Variants in ERFE observed in about 807,000 individuals in gnomAD.
ERFE encodes erythroferrone, also known as complement C1q tumor necrosis factor-related protein 15.
Under a neutral mutation model 26.6 loss-of-function variants are expected in ERFE, and 25 were observed. That is an observed-to-expected ratio of 0.94 (90% CI 0.69 to 1.31). ERFE has a LOEUF of 1.31. ERFE is among the 40% of genes most tolerant of loss of function. The pLI is 0.00. For missense variants in ERFE, 447 were observed against 440.2 expected (o/e 1.02, Z -0.14); for synonymous variants, 206 against 204.5 (o/e 1.01, Z -0.06).
rs1270075561 is a variant in ERFE, at chr2:238,162,841, A to G, written c.424+3A>G. ...GGAGTTCCAGCTGCTGCTGAAAGGT[A>G]GGGGTGTGCACCGGCTGGGACACAC... On this transcript the variant is annotated splice_donor_region_variant and intron_variant, in intron 3 of 7. Transcript: ENST00000546354. 3.9e-6 allele frequency: 6 copies of G among 1,549,084 alleles called. No homozygotes were observed. Among genetic ancestry groups the G allele is most frequent in the Non-Finnish European group, 5.2e-6 (6 of 1,146,054 alleles).
chr2:238,163,607 A>T, intron 3 of ERFE, 130 bp from the exon 4 acceptor site: 1 of 1,093,198 alleles, frequency 9.1e-7, no homozygotes, highest in Non-Finnish European at 1.2e-6. Flanking sequence ...GGCCGAGGGG[A>T]CGTCGCCCTC....
Position 238,162,776 on chromosome 2 carries a change from G to C in ERFE, c.362G>C (p.Gly121Ala). The stretch of plus-strand genomic sequence containing the variant: ...CCCCCTGGGCCTCCCGGTCCCCAGG[G>C]CCCCCCAGGCCCCATCATCCCACCC... ...PGPPGPPGPQ[G>A]PPGPIIPPEA... The change falls in exon 3 of 8, where the codon GGC becomes GCC. Residue 121 changes from glycine (G) to alanine (A), a missense_variant. Coordinates refer to ENST00000546354, the MANE Select transcript of ERFE (RefSeq NM_001291832.2). The C allele has an allele frequency of 6.5e-7, 1 of 1,550,176 alleles. No homozygotes were observed. Among genetic ancestry groups the C allele is most frequent in the Non-Finnish European group, 8.7e-7 (1 of 1,146,706 alleles).
At chr2:238,162,923 C>T (rs1424720212) in intron 3 of ERFE, 85 bp downstream of exon 3, 8 of 1,090,152 alleles carry the variant, frequency 7.3e-6, no homozygotes, top group Non-Finnish European at 9.2e-6. Context: ...CAGGGCCAAC[C>T]TCAACACTTC....
In ERFE at chr2:238,164,995, G is replaced by A. The variant is rs76286610; in HGVS notation, c.888-611G>A. ...CTCAGGGACTTTCATCTTGGGGCTCGAAGCACCAGTGTTACTTCAAGAGGC... is the reference window on the plus strand; with the variant it reads ...CTCAGGGACTTTCATCTTGGGGCTCAAAGCACCAGTGTTACTTCAAGAGGC... On this transcript the variant is annotated intron_variant, in intron 6 of 7. Transcript: ENST00000546354. Among the ~76,000 whole-genome samples, 899 of 152,198 alleles carry A rather than the reference G, an allele frequency of 5.9e-3. 9 individuals carry two copies. Among genetic ancestry groups the A allele is most frequent in the African/African-American group, 0.02 (833 of 41,506 alleles).
At chr2:238,166,879 G>A (rs1215251443) in intron 7 of ERFE, 77 bp from the exon 8 acceptor site, 18 of 1,201,344 alleles carry the variant, frequency 1.5e-5, no homozygotes, top group Middle Eastern at 2.1e-4. Context: ...GCAGGAGGGA[G>A]TGTGGCTGGC....
chr2:238,164,465 A>C, intron 6 of ERFE, 105 bp downstream of exon 6: 1 of 1,169,640 alleles, frequency 8.5e-7, no homozygotes, highest in African/African-American at 1.5e-5. Flanking sequence ...TTCACACCCC[A>C]CCGTGGCCTA....
chr2:238,161,444 C>T (rs974234808), intron 1 of ERFE, 150 bp from the exon 2 acceptor site: 2 of 1,061,926 alleles, frequency 1.9e-6, no homozygotes, highest in Non-Finnish European at 2.5e-6. Context: ...GTTGGGGCCC[C>T]TTTGGGAGCT....
Position 238,165,592 on chromosome 2 carries a change from T to C in ERFE, c.888-14T>C. On this transcript the variant is annotated splice_polypyrimidine_tract_variant and intron_variant, in intron 6 of 7. Coordinates refer to ENST00000546354, the MANE Select transcript of ERFE (RefSeq NM_001291832.2). ...TCATGGGGCAGGCTGACCCTCCCTC[T>C]GTTTTGGGTACAGCTCCCTGGAGGC... is the stretch of plus-strand genomic sequence containing the variant. 1 of 1,540,218 alleles carries C rather than the reference T, an allele frequency of 6.5e-7. No individual in the cohort carries two copies. The highest frequency in any genetic ancestry group is 8.8e-7 in the Non-Finnish European group (1 of 1,138,336).
chr2:238,164,488 CCTT>C, intron 6 of ERFE, 128 bp downstream of exon 6: 2 of 852,892 alleles, frequency 2.3e-6, no homozygotes, highest in Non-Finnish European at 3.7e-6. Context: ...TGACCCCACA[CCTT>C]CTTCCAGGTC....
At chr2:238,164,468 G>A (rs995221325) in intron 6 of ERFE, 108 bp downstream of exon 6, 9 of 1,097,658 alleles carry the variant, frequency 8.2e-6, no homozygotes, top group East Asian at 8.1e-5. Flanking sequence ...ACACCCCACC[G>A]TGGCCTAGGT....
At chr2:238,165,513 G>A in intron 6 of ERFE, 93 bp from the exon 7 acceptor site, 2 of 1,070,168 alleles carry the variant, frequency 1.9e-6, no homozygotes, top group Admixed American at 2.0e-5. Context: ...CACTTTGCTG[G>A]GCATGTGTTG....
At chr2:238,162,268 T>C (rs972441246) in intron 2 of ERFE, among the ~76,000 whole-genome samples, 1 of 152,242 alleles carries the variant, frequency 6.6e-6, no homozygotes, top group African/African-American at 2.4e-5. Flanking sequence ...CAGGCCGCGC[T>C]GTCCTCGTGG....
rs906138067 is a variant in ERFE at position 238,168,032 on chromosome 2, G to C, written c.*978G>C. On this transcript the variant is annotated 3_prime_UTR_variant, in exon 8 of 8. Transcript: ENST00000546354. ...GCTGGGTCCAGCGGCTCTGGGATGA[G>C]CCTCCCAAGCATCTTTCCCACTTGG... The C allele has an allele frequency of 1.0e-5, 2 of 195,382 alleles. No homozygotes were observed. Among genetic ancestry groups the C allele is most frequent in the African/African-American group, 4.7e-5 (2 of 42,590 alleles). 12.1% of individuals were successfully genotyped at this position (195,382 alleles called of 1,614,324 possible).
chr2:238,166,403 G>A (rs1006837073), intron 7 of ERFE, among the ~76,000 whole-genome samples: 1 of 152,214 alleles, frequency 6.6e-6, no homozygotes, highest in Non-Finnish European at 1.5e-5. Flanking sequence ...AGCATGCTTG[G>A]TGAACTCAGA....
rs1003160467 is a variant in ERFE, at chr2:238,162,801, C to G, written c.387C>G (p.Pro129=). ...GCCCCCCAGGCCCCATCATCCCACC[C>G]GAGGCGCTGCTGAAGGAGTTCCAGC... is the stretch of plus-strand genomic sequence containing the variant. ...PQGPPGPIIP[P]EALLKEFQLL... The change falls in exon 3 of 8, where the codon CCC becomes CCG. Residue 129 remains proline (P), a synonymous_variant. Transcript: ENST00000546354. 3 of 1,550,424 alleles carry G rather than the reference C, an allele frequency of 1.9e-6. No individual in the cohort carries two copies. The highest frequency in any genetic ancestry group is 2.6e-6 in the Non-Finnish European group (3 of 1,146,918).
rs1248823906 is a variant in ERFE at position 238,168,853 on chromosome 2, TA to T, written c.*1802del. The T allele has an allele frequency of 5.4e-5, 9 of 165,580 alleles. No homozygotes were observed. The highest frequency in any genetic ancestry group is 5.1e-4 in the Admixed American group (9 of 17,530). 10.3% of individuals were successfully genotyped at this position (165,580 alleles called of 1,614,324 possible). A position where few individuals can be genotyped will look rare whatever the true frequency, so the allele number is the denominator to read the frequency against. ...CTCAGTGTGTTATGCAGCAATTTAT[TA>T]AAGTATTTATTGTCTAATAAATACT... On this transcript the variant is annotated 3_prime_UTR_variant, in exon 8 of 8. Coordinates refer to ENST00000546354, the MANE Select transcript of ERFE (RefSeq NM_001291832.2).
At position 238,165,129 on chromosome 2, in the gene ERFE, C is replaced by T. The variant is rs560116568; in HGVS notation, c.888-477C>T. Among the ~76,000 whole-genome samples the T allele has an allele frequency of 3.9e-5, 6 of 152,360 alleles. No homozygotes were observed. In the East Asian group the frequency reaches 9.6e-4, roughly 24 times the overall value. ...CCTTGCTCCTGCACCATCTGGCCCA[C>T]GAGTGCAGTGACTGTGAGCTCCCTG... On this transcript the variant is annotated intron_variant, in intron 6 of 7. Transcript: ENST00000546354.
intron 6 of ERFE, among the ~76,000 whole-genome samples, chr2:238,165,069 C>T (rs1559282768): frequency 1.3e-5 from 2 of 152,164 alleles, no homozygotes; most frequent in Non-Finnish European, 2.9e-5. Flanking sequence ...CCCTCCCACT[C>T]CTCACCCGGG....
intron 3 of ERFE, 36 bp from the exon 4 acceptor site, chr2:238,163,701 G>A: frequency 7.8e-7 from 1 of 1,275,706 alleles, no homozygotes; most frequent in Non-Finnish European, 9.9e-7. Flanking sequence ...CGGGTGAGGG[G>A]TCCCTGGCGC....
Sources: allele counts gnomAD v4.1 joint callset (sites outside exome capture counted in the v4.1 genomes callset), GRCh38; gene constraint gnomAD v4.1.1; transcripts MANE v1.5; gene names NCBI Gene and HGNC (gene_info 2026-07-23, HGNC 2026-07-21).